OPCML: variants seen among roughly 807,000 people sequenced by gnomAD.
The protein encoded by OPCML is opioid-binding protein/cell adhesion molecule.
OPCML carries 13 observed loss-of-function variants against 37.8 expected under a neutral mutation model. The observed-to-expected ratio is 0.34, with a 90% CI of 0.22 to 0.55. OPCML has a LOEUF of 0.55. Ranked by LOEUF, OPCML falls within the 20% of genes least tolerant of loss-of-function variation. OPCML has a pLI of 0.91. For missense variants in OPCML, 341 were observed against 435.6 expected (o/e 0.78, Z 1.93); for synonymous variants, 176 against 168.8 (o/e 1.04, Z -0.33).
chr11:132,765,644 A>G (rs1227699978), intron 2 of OPCML, among the ~76,000 whole-genome samples: 6 of 152,224 alleles, frequency 3.9e-5, no homozygotes, highest in South Asian at 4.1e-4. Context: ...GTCCAAATCT[A>G]TAACAGTCTT....
chr11:133,322,984 C>A (rs1171146992), intron 1 of OPCML, among the ~76,000 whole-genome samples: 1 of 152,196 alleles, frequency 6.6e-6, no homozygotes, highest in African/African-American at 2.4e-5. Flanking sequence ...TTAATACTAA[C>A]AGACATTAAA....
intron 2 of OPCML, among the ~76,000 whole-genome samples, chr11:132,875,699 G>C (rs1205454142): frequency 6.6e-6 from 1 of 152,062 alleles, no homozygotes; most frequent in Non-Finnish European, 1.5e-5. Context: ...CACGACCTCA[G>C]GGGCCCACCC....
At chr11:133,147,315 A>G (rs372854619) in intron 1 of OPCML, among the ~76,000 whole-genome samples, 1 of 152,142 alleles carries the variant, frequency 6.6e-6, no homozygotes, top group Non-Finnish European at 1.5e-5. Flanking sequence ...GCAGTAGGTC[A>G]TGGGAGATTT....
At chr11:133,448,399 C>T (rs538654903) in intron 1 of OPCML, among the ~76,000 whole-genome samples, 6 of 152,180 alleles carry the variant, frequency 3.9e-5, no homozygotes, top group African/African-American at 1.4e-4. Context: ...CCATGAGCTA[C>T]ATGTCTAACC....
In OPCML at chr11:133,054,563, T is replaced by C. The variant is rs564772225; in HGVS notation, c.62-111553A>G. 2.0e-5 allele frequency among the ~76,000 whole-genome samples: 3 copies of C among 152,334 alleles called. No homozygotes were observed. In the South Asian group the frequency reaches 6.2e-4, roughly 32 times the overall value. ...TAACTTCATCTATTTGTTGTCTGCC[T>C]TTACTGGTTGGGCACATCATCACAG... On this transcript the variant is annotated intron_variant, in intron 1 of 7. Transcript: ENST00000524381.
intron 2 of OPCML, among the ~76,000 whole-genome samples, chr11:132,742,666 C>T (rs150144787): frequency 3.9e-4 from 59 of 151,070 alleles, no homozygotes; most frequent in African/African-American, 1.4e-3. Context: ...TGTGATGGCT[C>T]ATAGTCATAT....
chr11:133,325,727 GCCTGTTTTCTATGTTCAAAGTGCTC>G lies in OPCML; in HGVS notation c.61+206512_61+206536del, dbSNP rs574265118. On this transcript the variant is annotated intron_variant, in intron 1 of 7. Coordinates refer to ENST00000524381, the MANE Select transcript of OPCML (RefSeq NM_001012393.5). Reference sequence around the variant, plus strand: ...GGATGACTACTTGCCAAGATGAGCAGCCTGTTTTCTATGTTCAAAGTGCTCATATGGGAGAAAACTAGGAATTAGA... The same window carrying G: ...GGATGACTACTTGCCAAGATGAGCAGATATGGGAGAAAACTAGGAATTAGA... 4.8e-3 allele frequency among the ~76,000 whole-genome samples: 731 copies of G among 152,306 alleles called. 6 individuals are homozygous for G. The highest frequency in any genetic ancestry group is 0.017 in the African/African-American group (702 of 41,576).
intron 1 of OPCML, among the ~76,000 whole-genome samples, chr11:132,989,246 T>C (rs1447844125): frequency 3.9e-5 from 6 of 152,104 alleles, no homozygotes; most frequent in Non-Finnish European, 8.8e-5. Context: ...GTCACCAACA[T>C]AAAAATGGAT....
At chr11:132,470,278 T>C (rs1042701755) in intron 4 of OPCML, among the ~76,000 whole-genome samples, 26 of 151,752 alleles carry the variant, frequency 1.7e-4, no homozygotes, top group African/African-American at 6.3e-4. Context: ...AAGGAAAGAT[T>C]TGGGATGAGT....
intron 1 of OPCML, among the ~76,000 whole-genome samples, chr11:133,137,487 G>A (rs1949709281): frequency 6.6e-6 from 1 of 152,192 alleles, no homozygotes; most frequent in Non-Finnish European, 1.5e-5. Context: ...TCATAGCACA[G>A]AAGGAATGTC....
At chr11:132,726,934 A>G (rs1944906960) in intron 2 of OPCML, among the ~76,000 whole-genome samples, 1 of 152,088 alleles carries the variant, frequency 6.6e-6, no homozygotes, top group South Asian at 2.1e-4. Context: ...TCCTACAGTA[A>G]AACTCCGTTT....
chr11:132,638,685 G>A (rs1351672274), intron 3 of OPCML, among the ~76,000 whole-genome samples: 1 of 152,056 alleles, frequency 6.6e-6, no homozygotes, highest in African/African-American at 2.4e-5. Flanking sequence ...TCTGCTGCTT[G>A]TGATTCAACA....
chr11:132,531,882 G>A (rs1198010246), intron 3 of OPCML, among the ~76,000 whole-genome samples: 2 of 151,764 alleles, frequency 1.3e-5, no homozygotes, highest in Admixed American at 6.6e-5. Context: ...TCAGAATAAC[G>A]TCGCTTCAGC....
chr11:133,447,946 T>C (rs1158083924), intron 1 of OPCML, among the ~76,000 whole-genome samples: 1 of 152,200 alleles, frequency 6.6e-6, no homozygotes, highest in Non-Finnish European at 1.5e-5. Flanking sequence ...AAGTGTTTTA[T>C]TAGCTATGTA....
chr11:133,350,813 T>C (rs1018601384), intron 1 of OPCML, among the ~76,000 whole-genome samples: 6 of 152,198 alleles, frequency 3.9e-5, no homozygotes, highest in African/African-American at 1.4e-4. Context: ...CAGCTTCTTC[T>C]CTCTGGGAAC....
chr11:132,865,799 T>A (rs1426529253), intron 2 of OPCML, among the ~76,000 whole-genome samples: 1 of 152,186 alleles, frequency 6.6e-6, no homozygotes, highest in African/African-American at 2.4e-5. Flanking sequence ...GTGGTTTTAT[T>A]ATTATTAGAA....
intron 3 of OPCML, among the ~76,000 whole-genome samples, chr11:132,561,370 T>C (rs553205979): frequency 1.3e-5 from 2 of 152,196 alleles, no homozygotes; most frequent in Non-Finnish European, 2.9e-5. Flanking sequence ...ATCTCCTCCA[T>C]AGGCTCTTTA....
chr11:133,351,668 C>T (rs1256102755), intron 1 of OPCML, among the ~76,000 whole-genome samples: 4 of 152,148 alleles, frequency 2.6e-5, no homozygotes, highest in Admixed American at 6.5e-5. Flanking sequence ...CCATTTGTAA[C>T]CCGGTTATTT....
At chr11:132,557,223 C>A (rs1485129938) in intron 3 of OPCML, among the ~76,000 whole-genome samples, 1 of 152,116 alleles carries the variant, frequency 6.6e-6, no homozygotes, top group Non-Finnish European at 1.5e-5. Flanking sequence ...TCCGTGGGAG[C>A]CAGAAACCAA....
Sources: gnomAD v4.1 joint callset for allele counts (sites outside exome capture counted in the v4.1 genomes callset) on GRCh38, gnomAD v4.1.1 for gene constraint, MANE v1.5 for transcripts, NCBI Gene and HGNC (gene_info 2026-07-23, HGNC 2026-07-21) for gene names.